Variants in WLS observed in about 807,000 individuals in gnomAD.
The protein encoded by WLS is Wnt ligand secretion mediator, also known as protein wntless homolog.
A neutral mutation model predicts 62.8 loss-of-function variants in WLS; 23 were observed. The observed-to-expected ratio is 0.37, with a 90% CI of 0.26 to 0.52. The LOEUF is 0.52. WLS is among the 20% of genes least tolerant of loss of function. WLS has a pLI of 0.92. For missense variants in WLS, 615 were observed against 697.3 expected, an observed-to-expected ratio of 0.88 and a Z score of 1.33; for synonymous variants, 246 against 244.1, an observed-to-expected ratio of 1.01 and a Z score of -0.07.
chr1:68,195,043 C>A (rs566733599), intron 1 of WLS, among the ~76,000 whole-genome samples: 1 of 152,286 alleles, frequency 6.6e-6, no homozygotes, highest in South Asian at 2.1e-4. Flanking sequence ...TGGAAAATGT[C>A]AAAATGCCAT....
intron 2 of WLS, among the ~76,000 whole-genome samples, chr1:68,184,636 A>G (rs1232450351): frequency 6.6e-6 from 1 of 152,210 alleles, no homozygotes; most frequent in Non-Finnish European, 1.5e-5. Context: ...TAGAGTAAAA[A>G]TTGAAATCCC....
intron 2 of WLS, among the ~76,000 whole-genome samples, chr1:68,159,979 G>T (rs1646950296): frequency 6.7e-6 from 1 of 150,022 alleles, no homozygotes; most frequent in Admixed American, 6.7e-5. Context: ...ACTCACCACA[G>T]AACTCATTAA....
chr1:68,174,828 T>C (rs1268854898), intron 2 of WLS, among the ~76,000 whole-genome samples: 2 of 152,216 alleles, frequency 1.3e-5, no homozygotes, highest in East Asian at 1.9e-4. Context: ...TTTATGACCA[T>C]TGATGTTCCT....
chr1:68,170,897 C>A (rs2772304), intron 2 of WLS, among the ~76,000 whole-genome samples: 41,720 of 152,044 alleles, frequency 0.27, 5,813 homozygotes, highest in Middle Eastern at 0.31. Context: ...CATGTCTTTG[C>A]ACAATAGATA....
chr1:68,209,506 C>T (rs185251108), intron 1 of WLS, among the ~76,000 whole-genome samples: 9 of 152,308 alleles, frequency 5.9e-5, no homozygotes, highest in Non-Finnish European at 7.3e-5. Context: ...TGGCCGGGCA[C>T]GTTGGCTCGT....
chr1:68,137,703 C>A (rs1646630821), intron 11 of WLS, 77 bp downstream of exon 11: 4 of 1,508,412 alleles, frequency 2.7e-6, no homozygotes, highest in Non-Finnish European at 2.7e-6. Context: ...CATCTCAGAG[C>A]TTTAGCCATT....
At position 68,105,689 on chromosome 1, in the gene WLS, G is replaced by A. The variant is rs1050147105; in HGVS notation, c.1511-6936C>T. Reference sequence around the variant, plus strand: ...TATAAATGGGAAACACACAAAAGATGTATTTCTTGGAAGGTGAGGGGTGTT... The same window carrying A: ...TATAAATGGGAAACACACAAAAGATATATTTCTTGGAAGGTGAGGGGTGTT... On this transcript the variant is annotated intron_variant, in intron 11 of 11. Coordinates refer to the WLS transcript ENST00000354777. 4.6e-5 allele frequency among the ~76,000 whole-genome samples: 7 copies of A among 152,282 alleles called. No homozygotes were observed. In the East Asian group the frequency reaches 1.2e-3, roughly 25 times the overall value.
At chr1:68,124,409 C>T (rs1646399623), downstream of WLS, among the ~76,000 whole-genome samples, 1 of 152,208 alleles carries the variant, frequency 6.6e-6, no homozygotes, top group Non-Finnish European at 1.5e-5. Flanking sequence ...CGACCTTATC[C>T]AAACATTGTC....
At chr1:68,149,189 A>C (rs1270594344) in intron 6 of WLS, among the ~76,000 whole-genome samples, 1 of 152,172 alleles carries the variant, frequency 6.6e-6, no homozygotes, top group African/African-American at 2.4e-5. Flanking sequence ...AAAGGAAGGA[A>C]TGTAGAATGA....
chr1:68,225,145 C>T (rs898988736), intron 1 of WLS, among the ~76,000 whole-genome samples: 1 of 151,862 alleles, frequency 6.6e-6, no homozygotes, highest in East Asian at 1.9e-4. Context: ...TGCTTTTGCT[C>T]CCCTACAAGA....
At chr1:68,162,190 T>C in intron 2 of WLS, 1 of 1,433,868 alleles carries the variant, frequency 7.0e-7, no homozygotes, top group Non-Finnish European at 9.8e-7. Context: ...GCTAAAGGGC[T>C]CCGACTCACG....
intron 1 of WLS, among the ~76,000 whole-genome samples, chr1:68,228,842 C>CAAAAAAAAAAA (rs66626696): frequency 1.1e-3 from 64 of 58,032 alleles, no homozygotes; most frequent in East Asian, 2.3e-3. Flanking sequence ...ACACTGGTGC[C>CAAAAAAAAAAA]AAAAAAAAAA....
chr1:68,209,794 G>A lies in WLS; in HGVS notation c.107-15567C>T, dbSNP rs78668592. On this transcript the variant is annotated intron_variant, in intron 1 of 11. Coordinates refer to ENST00000262348, the MANE Select transcript of WLS (RefSeq NM_024911.7). Reference sequence around the variant, plus strand: ...GAAACTCCGTTTCAAAAAAAAAAAAGAAGTGGTAGATATTATTATCTCCAT... The same window carrying A: ...GAAACTCCGTTTCAAAAAAAAAAAAAAAGTGGTAGATATTATTATCTCCAT... Among the ~76,000 whole-genome samples the A allele has an allele frequency of 7.3e-5, 11 of 151,496 alleles. No homozygotes were observed. The East Asian group carries it at 9.7e-4, about 13-fold the overall frequency.
At chr1:68,162,102 TGAC>T in intron 2 of WLS, 1 of 1,562,224 alleles carries the variant, frequency 6.4e-7, no homozygotes, top group Non-Finnish European at 8.8e-7. Flanking sequence ...TCATCTCCAG[TGAC>T]GCCTGCTTGC....
intron 1 of WLS, among the ~76,000 whole-genome samples, chr1:68,203,857 A>G (rs539470092): frequency 8.5e-5 from 13 of 152,342 alleles, no homozygotes; most frequent in African/African-American, 3.1e-4. Flanking sequence ...TTCCTCAACC[A>G]TGGAAACATT....
intron 1 of WLS, among the ~76,000 whole-genome samples, chr1:68,209,798 T>C (rs1373107204): frequency 2.7e-5 from 4 of 148,760 alleles, no homozygotes; most frequent in African/African-American, 7.4e-5. Context: ...AAAAAAGAAG[T>C]GGTAGATATT....
chr1:68,131,255 G>T (rs1173704534), intron 11 of WLS, among the ~76,000 whole-genome samples: 1 of 151,912 alleles, frequency 6.6e-6, no homozygotes. Flanking sequence ...ACAGTATGTG[G>T]TATATAGTAA....
At chr1:68,201,827 C>G (rs1310543175) in intron 1 of WLS, 1 of 152,156 alleles carries the variant, frequency 6.6e-6, no homozygotes, top group Non-Finnish European at 1.5e-5. Flanking sequence ...AAAAGTCAAG[C>G]ACTTATTTAA....
chr1:68,204,845 C>T (rs925785116), intron 1 of WLS, among the ~76,000 whole-genome samples: 5 of 152,080 alleles, frequency 3.3e-5, no homozygotes, highest in Admixed American at 6.6e-5. Flanking sequence ...TTATAGCATT[C>T]TACTTTATTT....
Sources: allele counts gnomAD v4.1 joint callset (sites outside exome capture counted in the v4.1 genomes callset), GRCh38; gene constraint gnomAD v4.1.1; transcripts MANE v1.5; gene names NCBI Gene and HGNC (gene_info 2026-07-23, HGNC 2026-07-21).